GRIA2: variants seen among roughly 807,000 people sequenced by gnomAD.
The protein encoded by GRIA2 is glutamate receptor 2.
GRIA2 carries 14 observed loss-of-function variants against 97.3 expected under a neutral mutation model. That is an observed-to-expected ratio of 0.14 (90% CI 0.10 to 0.23). GRIA2 has a LOEUF of 0.23. Ranked by LOEUF, GRIA2 falls within the 10% of genes least tolerant of loss-of-function variation. The pLI is 1.00. For synonymous variants in GRIA2, 412 were observed against 387.8 expected (o/e 1.06, Z -0.73); for missense variants, 558 against 1,069.8 (o/e 0.52, Z 6.67).
chr4:157,221,205 A>T, intron 1 of GRIA2, 75 bp downstream of exon 1: 1 of 809,766 alleles, frequency 1.2e-6, no homozygotes, highest in South Asian at 1.4e-5. Flanking sequence ...GTACAAATTA[A>T]TTCATGTCAT....
chr4:157,316,151 G>A (rs1734309480), intron 4 of GRIA2, among the ~76,000 whole-genome samples: 1 of 152,056 alleles, frequency 6.6e-6, no homozygotes, highest in Admixed American at 6.6e-5. Flanking sequence ...AGAGTAGAAT[G>A]TACAGTAAGC....
chr4:157,359,978 A>C lies in GRIA2; in HGVS notation c.2126A>C (p.Glu709Ala). 1 of 1,613,930 alleles carries C rather than the reference A, an allele frequency of 6.2e-7. No individual in the cohort carries two copies. Among genetic ancestry groups the C allele is most frequent in the Non-Finnish European group, 8.5e-7 (1 of 1,179,924 alleles). Reference sequence around the variant, plus strand: ...TCTGTGTTTGTGAGGACTACGGCCGAAGGGGTGGCTAGAGTGCGGAAGTCC... The same window carrying C: ...TCTGTGTTTGTGAGGACTACGGCCGCAGGGGTGGCTAGAGTGCGGAAGTCC... The part of the protein sequence containing the change: ...EPSVFVRTTA[E>A]GVARVRKSKG... The change falls in exon 13 of 16, where the codon GAA becomes GCA. Residue 709 changes from glutamate to alanine, a missense_variant. Glu to Ala is a moderately radical substitution (Grantham distance 107). This residue lies in a region of GRIA2 where 125 missense variants were observed against 310.2 expected (regional missense o/e 0.40). Coordinates refer to ENST00000264426, the MANE Select transcript of GRIA2 (RefSeq NM_001083619.3).
At chr4:157,221,588 T>G (rs28585580) in intron 1 of GRIA2, 79 bp from the exon 2 acceptor site, 185,870 of 1,449,918 alleles carry the variant, frequency 0.13, 12,848 homozygotes, top group African/African-American at 0.2. Flanking sequence ...CTCTTGGATT[T>G]TTGGGCGCTA....
At chr4:157,242,181 A>G (rs1489267110) in intron 2 of GRIA2, among the ~76,000 whole-genome samples, 1 of 152,036 alleles carries the variant, frequency 6.6e-6, no homozygotes, top group South Asian at 2.1e-4. Context: ...GATCATGATA[A>G]CCTTCATATC....
intron 2 of GRIA2, among the ~76,000 whole-genome samples, chr4:157,272,258 C>G (rs898841406): frequency 1.3e-5 from 2 of 151,974 alleles, no homozygotes; most frequent in Non-Finnish European, 2.9e-5. Context: ...CTGTAAGGAC[C>G]TTAGAATTTG....
At chr4:157,355,650 ATATTTATT>A (rs1179758872) in intron 12 of GRIA2, among the ~76,000 whole-genome samples, 5 of 112,296 alleles carry the variant, frequency 4.5e-5, no homozygotes, top group Admixed American at 1.1e-4. Context: ...ATTTATTTAT[ATATTTATT>A]TATATTTATT....
intron 2 of GRIA2, among the ~76,000 whole-genome samples, chr4:157,256,403 A>C (rs1267427778): frequency 6.7e-6 from 1 of 149,490 alleles, no homozygotes; most frequent in African/African-American, 2.5e-5. Flanking sequence ...GCATGTATTC[A>C]TGGTAAACAT....
At chr4:157,297,729 A>C (rs1425575260) in intron 2 of GRIA2, among the ~76,000 whole-genome samples, 2 of 152,174 alleles carry the variant, frequency 1.3e-5, no homozygotes, top group Non-Finnish European at 1.5e-5. Context: ...TGTTTAGATT[A>C]AAGTAATATG....
At chr4:157,353,159 C>T (rs934105158) in intron 12 of GRIA2, among the ~76,000 whole-genome samples, 8 of 149,472 alleles carry the variant, frequency 5.4e-5, no homozygotes, top group South Asian at 2.1e-4. Context: ...TTGAGACCAG[C>T]TTGACCAACA....
At chr4:157,276,357 A>T (rs1732312037) in intron 2 of GRIA2, among the ~76,000 whole-genome samples, 1 of 152,108 alleles carries the variant, frequency 6.6e-6, no homozygotes, top group Admixed American at 6.6e-5. Flanking sequence ...GCAACTAATC[A>T]AAATTTCTGG....
At chr4:157,281,332 G>C (rs1732585036) in intron 2 of GRIA2, among the ~76,000 whole-genome samples, 1 of 151,910 alleles carries the variant, frequency 6.6e-6, no homozygotes. Context: ...CCTGTTTTTT[G>C]GGTACTCGGA....
At chr4:157,310,009 C>A (rs531853473) in intron 3 of GRIA2, among the ~76,000 whole-genome samples, 2 of 152,098 alleles carry the variant, frequency 1.3e-5, no homozygotes, top group Non-Finnish European at 2.9e-5. Flanking sequence ...TAGAACCCAG[C>A]AAATGGAAAG....
chr4:157,275,125 T>C (rs1732230358), intron 2 of GRIA2, among the ~76,000 whole-genome samples: 1 of 152,164 alleles, frequency 6.6e-6, no homozygotes, highest in Admixed American at 6.6e-5. Context: ...CCAGTGATGA[T>C]GAGCATTTTT....
intron 3 of GRIA2, among the ~76,000 whole-genome samples, chr4:157,304,735 C>T (rs1308321925): frequency 1.3e-5 from 2 of 152,026 alleles, no homozygotes; most frequent in Non-Finnish European, 2.9e-5. Context: ...AAATGAAAAC[C>T]CAGAAGCCTA....
At chr4:157,319,620 A>G (rs1462556277) in intron 5 of GRIA2, among the ~76,000 whole-genome samples, 4 of 152,142 alleles carry the variant, frequency 2.6e-5, no homozygotes, top group Admixed American at 2.0e-4. Flanking sequence ...AATTTTACTG[A>G]CATTCAAAAT....
intron 2 of GRIA2, among the ~76,000 whole-genome samples, chr4:157,290,898 G>A (rs1251907924): frequency 6.6e-6 from 1 of 151,650 alleles, no homozygotes; most frequent in Admixed American, 6.6e-5. Flanking sequence ...ATTTTCACCA[G>A]TCGCATTTAA....
intron 2 of GRIA2, among the ~76,000 whole-genome samples, chr4:157,266,524 C>CA (rs1315935265): frequency 2.6e-5 from 4 of 151,960 alleles, no homozygotes; most frequent in African/African-American, 9.7e-5. Context: ...GCTGAGAGGT[C>CA]AGTTTGTTAG....
At chr4:157,349,284 G>A (rs1336729846) in intron 12 of GRIA2, among the ~76,000 whole-genome samples, 1 of 151,982 alleles carries the variant, frequency 6.6e-6, no homozygotes, top group Non-Finnish European at 1.5e-5. Context: ...ATTTTCCTGG[G>A]TACTCTTTGA....
At chr4:157,354,987 G>C (rs760724135) in intron 12 of GRIA2, among the ~76,000 whole-genome samples, 8 of 152,108 alleles carry the variant, frequency 5.3e-5, no homozygotes, top group Admixed American at 2.0e-4. Flanking sequence ...GTGGCTCCAG[G>C]GAAGACCCTA....
Sources: gnomAD v4.1 joint callset for allele counts (sites outside exome capture counted in the v4.1 genomes callset) on GRCh38, gnomAD v4.1.1 for gene constraint, gnomAD v4.1.1 regional missense constraint, MANE v1.5 for transcripts, NCBI Gene and HGNC (gene_info 2026-07-23, HGNC 2026-07-21) for gene names.